Variants in ZNF276 observed in about 807,000 individuals in gnomAD.
ZNF276 encodes centromere protein Z.
A neutral mutation model predicts 63.9 loss-of-function variants in ZNF276; 59 were observed. That is an observed-to-expected ratio of 0.92 (90% CI 0.75 to 1.15). ZNF276 has a LOEUF of 1.15. Ranked by LOEUF, ZNF276 falls within the 50% of genes most tolerant of loss-of-function variation. The pLI, the probability that ZNF276 is intolerant of heterozygous loss-of-function variation, is 0.00. For synonymous variants in ZNF276, 496 were observed against 348.4 expected (o/e 1.42, Z -4.72); for missense variants, 1,084 against 843.8 (o/e 1.28, Z -3.53).
At chr16:89,733,447 C>T (rs202182204) in intron 7 of ZNF276, 35 bp downstream of exon 7, 64 of 1,614,092 alleles carry the variant, frequency 4.0e-5, no homozygotes, top group South Asian at 7.7e-5. Context: ...CCCTGCCTGT[C>T]GGGGCCGGGG....
chr16:89,728,653 CT>C (rs1201454003), intron 5 of ZNF276, among the ~76,000 whole-genome samples: 1 of 152,204 alleles, frequency 6.6e-6, no homozygotes, highest in African/African-American at 2.4e-5. Flanking sequence ...CCGCCCGCCT[CT>C]GCCTCCCAAA....
chr16:89,723,699 C>T lies in ZNF276; in HGVS notation c.996C>T (p.Cys332=). 6.2e-7 allele frequency: 1 copy of T among 1,609,208 alleles called. No homozygotes were observed. The highest frequency in any genetic ancestry group is 8.5e-7 in the Non-Finnish European group (1 of 1,177,870). The change falls in exon 4 of 11, where the codon TGC becomes TGT. Residue 332 remains cysteine, a synonymous_variant. Transcript: ENST00000443381. ...CACCTCAGCCAAGCCTGCCCCTTTG[C>T]AGGGCCCCAGGTAGGAGGCACCTCT... ...GFPPQPSLPL[C]RAPGQLGEKQ...
In ZNF276 at chr16:89,738,786, A is replaced by C. The variant is rs1369089334; in HGVS notation, c.*540A>C. 1.9e-6 allele frequency: 3 copies of C among 1,613,002 alleles called. No individual in the cohort carries two copies. Among genetic ancestry groups the C allele is most frequent in the Non-Finnish European group, 2.5e-6 (3 of 1,179,620 alleles). On this transcript the variant is annotated 3_prime_UTR_variant, in exon 11 of 11. Coordinates refer to ENST00000443381, the MANE Select transcript of ZNF276 (RefSeq NM_001113525.2). ...ACAGGGGAGGGGCTCTGGCAGAAAT[A>C]GTCGAGTTGTATTGCCAGCCAGGCA...
chr16:89,737,982 G>A lies in ZNF276; in HGVS notation c.1581G>A (p.Glu527=). ...ATCTGCCTCTGTCCCCCAGGTGTGA[G>A]GTCTGTGGGTTCCAGTGCAGGCAGC... The part of the protein sequence containing the change: ...RHSGAKPLQC[E]VCGFQCRQRA... The change falls in exon 11 of 11, where the codon GAG becomes GAA. Residue 527 remains glutamate (E), a synonymous_variant. Coordinates refer to ENST00000443381, the MANE Select transcript of ZNF276 (RefSeq NM_001113525.2). 6.2e-7 allele frequency: 1 copy of A among 1,614,196 alleles called. No individual in the cohort carries two copies. Among genetic ancestry groups the A allele is most frequent in the East Asian group, 2.2e-5 (1 of 44,890 alleles).
chr16:89,737,730 T>C, intron 9 of ZNF276, 76 bp from the exon 10 acceptor site: 1 of 1,602,662 alleles, frequency 6.2e-7, no homozygotes, highest in Admixed American at 1.7e-5. Context: ...GCTGTGATGG[T>C]TTCACATTGT....
rs530968524 is a variant in ZNF276 at position 89,733,320 on chromosome 16, T to C, written c.1188T>C (p.Ser396=). The C allele has an allele frequency of 6.2e-7, 1 of 1,613,700 alleles. No homozygotes were observed. Among genetic ancestry groups the C allele is most frequent in the African/African-American group, 1.3e-5 (1 of 74,890 alleles). ...YPERKVSGKK[S]ESKEAKKSEE... The stretch of plus-strand genomic sequence containing the variant: ...TTTTCAGAGTCTCTGGTAAGAAGAG[T>C]GAAAGCAAAGAAGCCAAGAAGTCTG... Residue 396 remains serine, a synonymous_variant, in exon 7 of 11, where the codon AGT becomes AGC. Coordinates refer to ENST00000443381, the MANE Select transcript of ZNF276 (RefSeq NM_001113525.2).
Position 89,737,803 on chromosome 16 carries a change from C to CA in ZNF276, c.1475-2dup. 1.2e-6 allele frequency: 2 copies of CA among 1,614,184 alleles called. No homozygotes were observed. Among genetic ancestry groups the CA allele is most frequent in the Non-Finnish European group, 1.7e-6 (2 of 1,180,028 alleles). ...CTGGACTCACTGGACTCTCCCCTCTCAGAGGTGCGGAACTATATCTGTGAC... is the reference window on the plus strand; with the variant it reads ...CTGGACTCACTGGACTCTCCCCTCTCAAGAGGTGCGGAACTATATCTGTGAC... On this transcript the variant is annotated splice_polypyrimidine_tract_variant and splice_region_variant and intron_variant, in intron 9 of 10. Coordinates refer to ENST00000443381, the MANE Select transcript of ZNF276 (RefSeq NM_001113525.2).
At chr16:89,726,051 T>G (rs1416167909) in intron 4 of ZNF276, among the ~76,000 whole-genome samples, 1 of 152,238 alleles carries the variant, frequency 6.6e-6, no homozygotes, top group South Asian at 2.1e-4. Flanking sequence ...AGTCTCACTC[T>G]GTCGCCCAGG....
At position 89,737,973 on chromosome 16, in the gene ZNF276, C is replaced by G; in HGVS notation, c.1575-3C>G. The G allele has an allele frequency of 6.2e-7, 1 of 1,614,144 alleles. No individual in the cohort carries two copies. The highest frequency in any genetic ancestry group is 8.5e-7 in the Non-Finnish European group (1 of 1,180,004). On this transcript the variant is annotated splice_region_variant and splice_polypyrimidine_tract_variant and intron_variant, in intron 10 of 10. Transcript: ENST00000443381. ...CACCTTCTTATCTGCCTCTGTCCCC[C>G]AGGTGTGAGGTCTGTGGGTTCCAGT...
chr16:89,735,298 G>C lies in ZNF276; in HGVS notation c.1474+1260G>C, dbSNP rs186294522. Among the ~76,000 whole-genome samples, 769 of 151,262 alleles carry C rather than the reference G, an allele frequency of 5.1e-3. 4 individuals are homozygous for C. Among genetic ancestry groups the C allele is most frequent in the Non-Finnish European group, 8.2e-3 (555 of 67,816 alleles). On this transcript the variant is annotated intron_variant, in intron 9 of 10. Transcript: ENST00000443381. Reference sequence around the variant, plus strand: ...AGATTTTGGTAAGGGGTGGGGGGGGGCCTGGAACCAGCTGAGGACAACTGT... The same window carrying C: ...AGATTTTGGTAAGGGGTGGGGGGGGCCCTGGAACCAGCTGAGGACAACTGT...
Position 89,737,995 on chromosome 16 carries a change from C to T in ZNF276, c.1594C>T (p.Gln532Ter). Residue 532 changes from glutamine to a stop codon, truncating the protein, a stop_gained, in exon 11 of 11, where the codon CAG (glutamine) becomes TAG (stop). Coordinates refer to ENST00000443381, the MANE Select transcript of ZNF276 (RefSeq NM_001113525.2). LOFTEE classifies it high-confidence loss of function. ...CCCCAGGTGTGAGGTCTGTGGGTTC[C>T]AGTGCAGGCAGCGGGCATCCCTCAA... ...KPLQCEVCGFQCRQRASLKYH... is the reference protein window; with the variant it reads ...KPLQCEVCGF 1 of 1,614,186 alleles carries T rather than the reference C, an allele frequency of 6.2e-7. No homozygotes were observed. Among genetic ancestry groups the T allele is most frequent in the Non-Finnish European group, 8.5e-7 (1 of 1,180,050 alleles).
Position 89,740,350 on chromosome 16 carries a change from G to A in ZNF276, c.*2104G>A, listed in dbSNP as rs2062098312. 1.9e-6 allele frequency: 1 copy of A among 538,260 alleles called. No individual in the cohort carries two copies. Among genetic ancestry groups the A allele is most frequent in the Non-Finnish European group, 3.3e-6 (1 of 299,010 alleles). 33.3% of individuals were successfully genotyped at this position (538,260 alleles called of 1,614,324 possible). On this transcript the variant is annotated 3_prime_UTR_variant, in exon 11 of 11. Transcript: ENST00000443381. The stretch of plus-strand genomic sequence containing the variant: ...TCCTCAAATAAGACATTAAAAGAAA[G>A]GCCCACAGGCCGGATGCAGTGGCTC...
In ZNF276 at chr16:89,733,538, G is replaced by A. The variant is rs371445446; in HGVS notation, c.1337G>A (p.Arg446Gln). 1.4e-5 allele frequency: 22 copies of A among 1,614,002 alleles called. No homozygotes were observed. Among genetic ancestry groups the A allele is most frequent in the South Asian group, 2.2e-5 (2 of 91,082 alleles). ...TACCAGGGCTGCACGGCCGTGTACC[G>A]AGGCGCTGACGGCATGAAGGTGAGC... is the stretch of plus-strand genomic sequence containing the variant. ...CPYQGCTAVY[R>Q]GADGMKKHIK... The change falls in exon 8 of 11, where the codon CGA (arginine) becomes CAA (glutamine). Residue 446 changes from arginine to glutamine, a missense_variant. Coordinates refer to ENST00000443381, the MANE Select transcript of ZNF276 (RefSeq NM_001113525.2).
Position 89,722,796 on chromosome 16 carries a change from C to T in ZNF276, c.471C>T (p.Val157=), listed in dbSNP as rs1301785647. Residue 157 remains valine (V), a synonymous_variant, in exon 2 of 11, where the codon GTC becomes GTT. Transcript: ENST00000443381. ...HSLLKSFLQR[V]NASPAGRRKP... ...TTCTCAAGTCCTTCCTGCAGAGGGT[C>T]AACGCCTCCCCGGCTGGTCGCCGGA... is the stretch of plus-strand genomic sequence containing the variant. The T allele has an allele frequency of 6.2e-7, 1 of 1,606,918 alleles. No individual in the cohort carries two copies. Among genetic ancestry groups the T allele is most frequent in the South Asian group, 1.1e-5 (1 of 91,088 alleles).
chr16:89,729,985 C>T (rs2061592897), intron 6 of ZNF276, among the ~76,000 whole-genome samples: 1 of 152,186 alleles, frequency 6.6e-6, no homozygotes, highest in Non-Finnish European at 1.5e-5. Context: ...CTGACCCAGT[C>T]CCTGTCCTTG....
intron 6 of ZNF276, 66 bp from the exon 7 acceptor site, chr16:89,733,234 GGA>G (rs2061733777): frequency 7.1e-7 from 1 of 1,400,938 alleles, no homozygotes; most frequent in Non-Finnish European, 1.0e-6. Flanking sequence ...TTCTCAGGTT[GGA>G]GAGACAAAAA....
rs754990688 is a variant in ZNF276, at chr16:89,739,011, C to G, written c.*765C>G. ...ACAGGCAAACTCACAGGTTAGAAGA[C>G]ATACAGAAACAGGGCTGGTGTGTCC... On this transcript the variant is annotated 3_prime_UTR_variant, in exon 11 of 11. Coordinates refer to ENST00000443381, the MANE Select transcript of ZNF276 (RefSeq NM_001113525.2). The G allele has an allele frequency of 2.5e-6, 4 of 1,614,104 alleles. No homozygotes were observed. The East Asian group carries it at 8.9e-5, about 36-fold the overall frequency.
At chr16:89,736,795 CAAAAAAAA>C (rs3039799) in intron 9 of ZNF276, among the ~76,000 whole-genome samples, 17 of 72,486 alleles carry the variant, frequency 2.3e-4, no homozygotes, top group Non-Finnish European at 3.3e-4. Context: ...ACCCTGTCTC[CAAAAAAAA>C]AAAAAAAAAA....
In ZNF276 at chr16:89,739,428, G is replaced by C; in HGVS notation, c.*1182G>C. 6.4e-7 allele frequency: 1 copy of C among 1,553,246 alleles called. No homozygotes were observed. Among genetic ancestry groups the C allele is most frequent in the Non-Finnish European group, 8.7e-7 (1 of 1,146,566 alleles). ...GCGGGACCCAGAGGTGCTGAGATGG[G>C]GGTCTGGGAAACACTGCCCAGCCCT... On this transcript the variant is annotated 3_prime_UTR_variant, in exon 11 of 11. Coordinates refer to ENST00000443381, the MANE Select transcript of ZNF276 (RefSeq NM_001113525.2).
Sources: allele counts gnomAD v4.1 joint callset (sites outside exome capture counted in the v4.1 genomes callset), GRCh38; gene constraint gnomAD v4.1.1; transcripts MANE v1.5; gene names NCBI Gene and HGNC (gene_info 2026-07-23, HGNC 2026-07-21).